PDE1C: variants seen among roughly 807,000 people sequenced by gnomAD.
PDE1C encodes phosphodiesterase 1C, also known as dual specificity calcium/calmodulin-dependent 3',5'-cyclic nucleotide phosphodiesterase 1C.
Under a neutral mutation model 93.1 loss-of-function variants are expected in PDE1C, and 62 were observed. The observed-to-expected ratio is 0.67, with a 90% confidence interval of 0.54 to 0.82. The LOEUF is 0.82. Ranked by LOEUF, PDE1C falls within the 40% of genes least tolerant of loss-of-function variation. The pLI, the probability that PDE1C is intolerant of heterozygous loss-of-function variation, is 0.00. For synonymous variants in PDE1C, 325 were observed against 310.1 expected, an observed-to-expected ratio of 1.05 and a Z score of -0.50; for missense variants, 742 against 884.6, an observed-to-expected ratio of 0.84 and a Z score of 2.04.
At chr7:32,282,721 C>T (rs1318604953) in intron 1 of PDE1C, among the ~76,000 whole-genome samples, 3 of 151,444 alleles carry the variant, frequency 2.0e-5, no homozygotes, top group Non-Finnish European at 4.4e-5. Flanking sequence ...GCTGGGACTG[C>T]AGGCGCCCGC....
the PDE1C span, among the ~76,000 whole-genome samples, chr7:31,723,498 C>T: frequency 1.3e-5 from 2 of 152,200 alleles, no homozygotes; most frequent in Non-Finnish European, 2.9e-5. Context: ...CCAAGTCACT[C>T]AGTGCCTGTG....
At chr7:31,966,466 T>G (rs1036310110) in intron 2 of PDE1C, among the ~76,000 whole-genome samples, 4 of 152,116 alleles carry the variant, frequency 2.6e-5, no homozygotes, top group African/African-American at 9.7e-5. Context: ...AAGCAAGTCC[T>G]TAGTGACCTA....
chr7:32,208,297 A>G lies in PDE1C; in HGVS notation c.136+1192T>C, dbSNP rs200878103. Among the ~76,000 whole-genome samples, 4 of 152,312 alleles carry G rather than the reference A, an allele frequency of 2.6e-5. No homozygotes were observed. In the East Asian group the frequency reaches 5.8e-4, roughly 22 times the overall value. On this transcript the variant is annotated intron_variant, in intron 2 of 18. Coordinates refer to the PDE1C transcript ENST00000396193. ...TCAGCTTTATGTAATAAGATTTACT[A>G]TGGCACTGTCCACACTCAGACCTAG...
chr7:32,130,741 T>C (rs1024066896), intron 3 of PDE1C, among the ~76,000 whole-genome samples: 1 of 151,864 alleles, frequency 6.6e-6, no homozygotes, highest in Non-Finnish European at 1.5e-5. Flanking sequence ...CAGGAGATAA[T>C]GAAGAATTTA....
At chr7:32,261,132 T>C (rs545437661) in intron 1 of PDE1C, among the ~76,000 whole-genome samples, 1 of 151,882 alleles carries the variant, frequency 6.6e-6, no homozygotes, top group South Asian at 2.1e-4. Flanking sequence ...GAAAAGAAAC[T>C]ACAGTTGAGG....
chr7:32,186,207 A>G lies in PDE1C; in HGVS notation c.137-16251T>C, dbSNP rs1302270469. ...AAGCTCCGCCTCCCGGGTTCACGCC[A>G]TTCTCCTGCCTCAGCCTCCCGAGTA... On this transcript the variant is annotated intron_variant, in intron 2 of 18. Coordinates refer to the PDE1C transcript ENST00000396193. Among the ~76,000 whole-genome samples, 6 of 147,776 alleles carry G rather than the reference A, an allele frequency of 4.1e-5. No homozygotes were observed. In the East Asian group the frequency reaches 1.2e-3, roughly 30 times the overall value.
At chr7:32,254,166 C>T (rs996542602) in intron 1 of PDE1C, among the ~76,000 whole-genome samples, 4 of 152,090 alleles carry the variant, frequency 2.6e-5, no homozygotes, top group Non-Finnish European at 4.4e-5. Flanking sequence ...TTATTGTTGG[C>T]GCATTGTTGC....
chr7:32,199,140 A>AC (rs200676673), intron 2 of PDE1C, among the ~76,000 whole-genome samples: 4 of 152,020 alleles, frequency 2.6e-5, no homozygotes, highest in Non-Finnish European at 5.9e-5. Flanking sequence ...ATTTAAAAAA[A>AC]AAAACAAAAC....
intron 3 of PDE1C, among the ~76,000 whole-genome samples, chr7:32,096,820 A>AAGAC (rs1554502437): frequency 1.4e-5 from 2 of 144,482 alleles, no homozygotes; most frequent in African/African-American, 2.6e-5. Flanking sequence ...AGGGGATAGA[A>AAGAC]AGATAGATAG....
the PDE1C span, among the ~76,000 whole-genome samples, chr7:31,691,836 C>G: frequency 3.0e-5 from 4 of 134,068 alleles, no homozygotes; most frequent in Non-Finnish European, 6.7e-5. Flanking sequence ...AGCAAAAAAC[C>G]CACAACAGAA....
intron 2 of PDE1C, among the ~76,000 whole-genome samples, chr7:31,926,718 G>C (rs1054100873): frequency 1.3e-5 from 2 of 152,190 alleles, no homozygotes; most frequent in African/African-American, 4.8e-5. Context: ...GCCAAGGGAA[G>C]CTGCTAGGGA....
chr7:32,004,019 G>A (rs922512033), intron 2 of PDE1C, among the ~76,000 whole-genome samples: 2 of 146,860 alleles, frequency 1.4e-5, no homozygotes, highest in Non-Finnish European at 2.9e-5. Context: ...GGAATGTAAC[G>A]TGGCTGCTCT....
intron 3 of PDE1C, among the ~76,000 whole-genome samples, chr7:32,141,241 A>C (rs1294156250): frequency 3.9e-5 from 6 of 152,228 alleles, no homozygotes; most frequent in Non-Finnish European, 8.8e-5. Flanking sequence ...AGAAAGCGAG[A>C]GAATAGCTCA....
intron 2 of PDE1C, among the ~76,000 whole-genome samples, chr7:32,015,024 C>G (rs1361234192): frequency 1.3e-5 from 2 of 152,090 alleles, no homozygotes; most frequent in African/African-American, 4.8e-5. Flanking sequence ...CTCACAAGAT[C>G]TGATGGTTTC....
intron 3 of PDE1C, among the ~76,000 whole-genome samples, chr7:32,142,019 C>T (rs562998303): frequency 6.6e-6 from 1 of 152,294 alleles, no homozygotes; most frequent in South Asian, 2.1e-4. Flanking sequence ...ACACACATGT[C>T]TGTCGCTGAC....
At chr7:31,643,105 A>G in the PDE1C span, 4 of 1,613,896 alleles carry the variant, frequency 2.5e-6, no homozygotes, top group Admixed American at 3.3e-5. Context: ...AATGCAGGAC[A>G]GTTTTGTGAG....
chr7:31,636,553 A>G, the PDE1C span, among the ~76,000 whole-genome samples: 1 of 152,124 alleles, frequency 6.6e-6, no homozygotes, highest in Non-Finnish European at 1.5e-5. Context: ...ACCAAGGCTC[A>G]ACCTCTTCTG....
At chr7:31,790,917 T>C (rs1784523451) in intron 16 of PDE1C, among the ~76,000 whole-genome samples, 1 of 152,160 alleles carries the variant, frequency 6.6e-6, no homozygotes, top group Non-Finnish European at 1.5e-5. Flanking sequence ...AGGCAGAATT[T>C]AAAACAACAA....
At chr7:31,848,585 C>A (rs755400146) in intron 8 of PDE1C, among the ~76,000 whole-genome samples, 2 of 152,030 alleles carry the variant, frequency 1.3e-5, no homozygotes, top group Admixed American at 6.6e-5. Flanking sequence ...CATGCAAAAG[C>A]CACATGTGGA....
Sources: gnomAD v4.1 joint callset for allele counts (sites outside exome capture counted in the v4.1 genomes callset) on GRCh38, gnomAD v4.1.1 for gene constraint, MANE v1.5 for transcripts, NCBI Gene and HGNC (gene_info 2026-07-23, HGNC 2026-07-21) for gene names.